Variants in CCDC158 observed in about 807,000 individuals in gnomAD.
CCDC158 encodes coiled-coil domain containing 158, also known as coiled-coil domain-containing protein 158.
CCDC158 carries 116 observed loss-of-function variants against 138.6 expected under a neutral mutation model. That is an observed-to-expected ratio of 0.84 (90% CI 0.72 to 0.98). The LOEUF is 0.98. CCDC158 is among the 50% of genes least tolerant of loss of function. CCDC158 has a pLI of 0.00. For missense variants in CCDC158, 1,265 were observed against 1,306.1 expected (o/e 0.97, Z 0.48); for synonymous variants, 436 against 442.4 (o/e 0.99, Z 0.18).
intron 9 of CCDC158, chr4:76,375,161 T>A (rs1032452368): frequency 5.8e-6 from 1 of 173,466 alleles, no homozygotes; most frequent in Non-Finnish European, 1.2e-5. Context: ...GAATAAATAT[T>A]GACATCTGAG....
intron 8 of CCDC158, among the ~76,000 whole-genome samples, chr4:76,379,947 TC>T (rs1053413518): frequency 4.6e-5 from 7 of 152,084 alleles, no homozygotes; most frequent in African/African-American, 1.7e-4. Context: ...GTATGGCACT[TC>T]CCCCCTTTCC....
chr4:76,333,954 CA>C (rs1302556720), intron 19 of CCDC158, 55 bp downstream of exon 19: 1 of 1,330,854 alleles, frequency 7.5e-7, no homozygotes, highest in Non-Finnish European at 1.0e-6. Flanking sequence ...GTGAATAACT[CA>C]ATGGCAAACC....
At chr4:76,381,325 A>G (rs1223200810) in intron 8 of CCDC158, among the ~76,000 whole-genome samples, 1 of 152,242 alleles carries the variant, frequency 6.6e-6, no homozygotes, top group Admixed American at 6.5e-5. Flanking sequence ...GCAGAGCAAC[A>G]AGGGCAGAGC....
At chr4:76,322,016 G>A (rs1285923284) in intron 24 of CCDC158, among the ~76,000 whole-genome samples, 1 of 151,566 alleles carries the variant, frequency 6.6e-6, no homozygotes, top group Non-Finnish European at 1.5e-5. Context: ...AAGGGTGGGA[G>A]GTGGGTGAGG....
chr4:76,323,179 A>C (rs2110079437), intron 24 of CCDC158, 123 bp downstream of exon 24: 2 of 654,880 alleles, frequency 3.1e-6, no homozygotes, highest in Non-Finnish European at 5.2e-6. Context: ...TTATATTTAG[A>C]CTTCAGTTTA....
In CCDC158 at chr4:76,384,660, A is replaced by G; in HGVS notation, c.294T>C (p.Asn98=). ...AAAACTTTTGTTTCTCATGCAATTC[A>G]TTGCTCTGAAAAAAAAAGCCATGCA... is the stretch of plus-strand genomic sequence containing the variant. ...KDLQRRLNES[N]ELHEKQKFYL... Residue 98 remains asparagine (N), a synonymous_variant, in exon 5 of 25, where the codon AAT becomes AAC. Transcript: ENST00000682701. 1 of 1,606,326 alleles carries G rather than the reference A, an allele frequency of 6.2e-7. No individual in the cohort carries two copies. The highest frequency in any genetic ancestry group is 8.5e-7 in the Non-Finnish European group (1 of 1,175,988).
At chr4:76,404,415 T>C (rs28752159) in intron 2 of CCDC158, among the ~76,000 whole-genome samples, 206 of 152,186 alleles carry the variant, frequency 1.4e-3, no homozygotes, top group African/African-American at 4.8e-3. Flanking sequence ...AACTGAAACA[T>C]AATACTCCAA....
At chr4:76,362,086 A>G (rs1724195423) in intron 13 of CCDC158, 40 bp downstream of exon 13, 1 of 1,573,138 alleles carries the variant, frequency 6.4e-7, no homozygotes, top group Non-Finnish European at 8.7e-7. Flanking sequence ...CACTGCTAAG[A>G]CTCTTATTTT....
At chr4:76,405,688 A>G (rs533327105) in intron 2 of CCDC158, among the ~76,000 whole-genome samples, 2 of 152,182 alleles carry the variant, frequency 1.3e-5, no homozygotes, top group African/African-American at 4.8e-5. Context: ...AGAGGGAGAA[A>G]AGTGGAAAGT....
intron 10 of CCDC158, among the ~76,000 whole-genome samples, chr4:76,370,895 T>C (rs1241200182): frequency 6.6e-6 from 1 of 152,090 alleles, no homozygotes; most frequent in African/African-American, 2.4e-5. Context: ...TGGGGTTTGG[T>C]AAGCCGAGAA....
intron 24 of CCDC158, among the ~76,000 whole-genome samples, chr4:76,320,424 A>G (rs1384156054): frequency 6.6e-6 from 1 of 152,210 alleles, no homozygotes; most frequent in Non-Finnish European, 1.5e-5. Context: ...CATTCTTCAC[A>G]GAACTGGAAA....
At chr4:76,331,252 C>T in intron 21 of CCDC158, 92 bp downstream of exon 21, 2 of 1,117,506 alleles carry the variant, frequency 1.8e-6, no homozygotes, top group Non-Finnish European at 2.7e-6. Flanking sequence ...TACTGCAGTG[C>T]ATGGCACATT....
intron 9 of CCDC158, chr4:76,375,060 G>C (rs1272414816): frequency 6.6e-6 from 1 of 152,446 alleles, no homozygotes. Context: ...AAGATAAATA[G>C]AGAGTGAAAG....
In CCDC158 at chr4:76,421,050, C is replaced by A. The variant is rs759451536; in HGVS notation, c.-202G>T. ...AGCGGCCCCACCTACGTCGACCTGG[C>A]GGCTGGGACGGGGCGGCTCCCCACT... On this transcript the variant is annotated 5_prime_UTR_variant, in exon 1 of 25. Transcript: ENST00000682701. 6.6e-6 allele frequency among the ~76,000 whole-genome samples: 1 copy of A among 152,028 alleles called. No individual in the cohort carries two copies. Among genetic ancestry groups the A allele is most frequent in the Non-Finnish European group, 1.5e-5 (1 of 67,988 alleles).
chr4:76,336,687 C>G (rs1721542751), intron 18 of CCDC158, among the ~76,000 whole-genome samples: 1 of 152,136 alleles, frequency 6.6e-6, no homozygotes, highest in South Asian at 2.1e-4. Context: ...ATAACATAAC[C>G]TTGTAAAAAT....
chr4:76,357,828 G>A (rs530970084), intron 13 of CCDC158, among the ~76,000 whole-genome samples: 3 of 152,060 alleles, frequency 2.0e-5, no homozygotes, highest in East Asian at 3.9e-4. Flanking sequence ...TTGGATGACC[G>A]TGTTCACTAG....
intron 18 of CCDC158, among the ~76,000 whole-genome samples, chr4:76,335,494 A>G (rs1721395492): frequency 6.6e-6 from 1 of 152,190 alleles, no homozygotes. Context: ...ACCCATAAAC[A>G]TATATAAATA....
At chr4:76,390,762 T>C (rs1385712009) in intron 4 of CCDC158, among the ~76,000 whole-genome samples, 1 of 151,830 alleles carries the variant, frequency 6.6e-6, no homozygotes, top group Admixed American at 6.6e-5. Flanking sequence ...AAGACACACA[T>C]AGCCTGAAAA....
intron 4 of CCDC158, 151 bp from the exon 5 acceptor site, chr4:76,384,816 C>A: frequency 3.2e-6 from 2 of 619,720 alleles, no homozygotes; most frequent in Admixed American, 3.2e-5. Context: ...TTAATAATTT[C>A]TCGCTTAGAT....
Sources: gnomAD v4.1 joint callset for allele counts (sites outside exome capture counted in the v4.1 genomes callset) on GRCh38, gnomAD v4.1.1 for gene constraint, MANE v1.5 for transcripts, NCBI Gene and HGNC (gene_info 2026-07-23, HGNC 2026-07-21) for gene names.